Variants in ARB2A observed in about 807,000 individuals in gnomAD.
ARB2A encodes the protein ARB2 cotranscriptional regulator A, also known as cotranscriptional regulator ARB2A.
the ARB2A span, among the ~76,000 whole-genome samples, chr5:93,662,552 T>C: frequency 9.9e-5 from 15 of 152,240 alleles, no homozygotes; most frequent in Admixed American, 8.5e-4. Context: ...CATACACATA[T>C]ACATAAAATA....
At chr5:93,764,917 C>T in the ARB2A span, among the ~76,000 whole-genome samples, 1 of 152,156 alleles carries the variant, frequency 6.6e-6, no homozygotes, top group African/African-American at 2.4e-5. Flanking sequence ...CATAATCCAG[C>T]ACATACACAG....
At chr5:93,904,183 A>G in the ARB2A span, among the ~76,000 whole-genome samples, 1 of 151,936 alleles carries the variant, frequency 6.6e-6, no homozygotes, top group Non-Finnish European at 1.5e-5. Flanking sequence ...CGTCAGGGCT[A>G]ATGGTAAGTT....
chr5:93,664,852 A>G, the ARB2A span, among the ~76,000 whole-genome samples: 1 of 152,062 alleles, frequency 6.6e-6, no homozygotes, highest in Admixed American at 6.5e-5. Flanking sequence ...TTTTTGCCAC[A>G]GTCTCGCTCT....
At chr5:94,084,287 A>G in the ARB2A span, among the ~76,000 whole-genome samples, 1 of 151,426 alleles carries the variant, frequency 6.6e-6, no homozygotes, top group African/African-American at 2.4e-5. Context: ...AAAAAAAAAA[A>G]AAAAAAGAAA....
chr5:93,765,617 A>T, the ARB2A span, among the ~76,000 whole-genome samples: 2 of 152,262 alleles, frequency 1.3e-5, no homozygotes, highest in African/African-American at 2.4e-5. Flanking sequence ...ATGGCCATAC[A>T]GCCCAAGGTA....
At chr5:94,003,054 T>G in the ARB2A span, among the ~76,000 whole-genome samples, 1 of 152,200 alleles carries the variant, frequency 6.6e-6, no homozygotes, top group Non-Finnish European at 1.5e-5. Context: ...TTGTATAATA[T>G]TATTACAGCA....
At chr5:93,886,891 G>A in the ARB2A span, among the ~76,000 whole-genome samples, 6 of 151,826 alleles carry the variant, frequency 4.0e-5, no homozygotes, top group African/African-American at 1.4e-4. Context: ...AATGCTGTGT[G>A]TGTTCCATGG....
chr5:93,814,335 A>C, the ARB2A span, among the ~76,000 whole-genome samples: 5 of 152,314 alleles, frequency 3.3e-5, no homozygotes, highest in South Asian at 1.0e-3. Context: ...CCAGTTAAAA[A>C]AAGAATTCTA....
At chr5:93,767,282 T>C in the ARB2A span, among the ~76,000 whole-genome samples, 1 of 152,042 alleles carries the variant, frequency 6.6e-6, no homozygotes. Flanking sequence ...TATGAGAAAA[T>C]GCTCAATATC....
chr5:93,716,659 A>G, the ARB2A span, among the ~76,000 whole-genome samples: 3 of 138,932 alleles, frequency 2.2e-5, no homozygotes, highest in Admixed American at 7.7e-5. Context: ...GTCTTGCCAT[A>G]GCTGTATATC....
chr5:93,933,830 T>TA, the ARB2A span, among the ~76,000 whole-genome samples: 1 of 151,762 alleles, frequency 6.6e-6, no homozygotes, highest in African/African-American at 2.4e-5. Flanking sequence ...ATGCATGGCA[T>TA]AAAAAACAAA....
the ARB2A span, among the ~76,000 whole-genome samples, chr5:93,936,935 T>C: frequency 6.6e-6 from 1 of 150,672 alleles, no homozygotes; most frequent in African/African-American, 2.4e-5. Context: ...TTTTAAATTA[T>C]AAAGGTTTTT....
chr5:94,029,408 T>TTTTTTGAAGAGACAGGAC, the ARB2A span, among the ~76,000 whole-genome samples: 1 of 152,248 alleles, frequency 6.6e-6, no homozygotes, highest in Admixed American at 6.5e-5. Flanking sequence ...CCAGGCCAAT[T>TTTTTTGAAGAGACAGGAC]ATCTTTTCGT....
At chr5:94,045,455 T>C in the ARB2A span, among the ~76,000 whole-genome samples, 1 of 152,192 alleles carries the variant, frequency 6.6e-6, no homozygotes, top group South Asian at 2.1e-4. Flanking sequence ...CCACATATAG[T>C]CTATTTTTAT....
At chr5:93,810,089 A>G in the ARB2A span, among the ~76,000 whole-genome samples, 1 of 152,010 alleles carries the variant, frequency 6.6e-6, no homozygotes, top group South Asian at 2.1e-4. Flanking sequence ...CCTGCCAAAG[A>G]ATTTTGTGCT....
At chr5:94,014,825 G>A in the ARB2A span, among the ~76,000 whole-genome samples, 1 of 150,292 alleles carries the variant, frequency 6.7e-6, no homozygotes, top group African/African-American at 2.5e-5. Context: ...CTCAAAGACA[G>A]GCTATTTGAA....
the ARB2A span, among the ~76,000 whole-genome samples, chr5:93,830,343 A>ATATC: frequency 7.1e-6 from 1 of 141,632 alleles, no homozygotes; most frequent in Non-Finnish European, 1.5e-5. Context: ...ATATATATAT[A>ATATC]TATATATATC....
chr5:93,875,578 G>A, the ARB2A span, among the ~76,000 whole-genome samples: 1 of 152,054 alleles, frequency 6.6e-6, no homozygotes, highest in South Asian at 2.1e-4. Context: ...CTCTACAATG[G>A]TATGATTCTG....
chr5:93,787,941 T>C, the ARB2A span, among the ~76,000 whole-genome samples: 9 of 152,348 alleles, frequency 5.9e-5, no homozygotes, highest in East Asian at 1.5e-3. Flanking sequence ...ATCATATTGA[T>C]GATTTCAGCA....
Sources: allele counts gnomAD v4.1 joint callset (sites outside exome capture counted in the v4.1 genomes callset), GRCh38; gene constraint gnomAD v4.1.1; transcripts MANE v1.5; gene names NCBI Gene and HGNC (gene_info 2026-07-23, HGNC 2026-07-21).